The following CNTLN variants were observed in gnomAD, a reference collection of about 807,000 sequenced individuals.
CNTLN encodes centlein.
Under a neutral mutation model 180.0 loss-of-function variants are expected in CNTLN, and 212 were observed. The ratio of observed to expected loss-of-function variants is 1.18; its 90% CI spans 1.05 to 1.32. CNTLN has a LOEUF of 1.32. CNTLN is among the 40% of genes most tolerant of loss of function. The pLI, the probability that CNTLN is intolerant of heterozygous loss-of-function variation, is 0.00. For synonymous variants in CNTLN, 722 were observed against 563.1 expected, an observed-to-expected ratio of 1.28 and a Z score of -3.99; for missense variants, 2,095 against 1,610.9, an observed-to-expected ratio of 1.30 and a Z score of -5.14.
intron 12 of CNTLN, among the ~76,000 whole-genome samples, chr9:17,350,888 C>T (rs919135578): frequency 1.3e-5 from 2 of 152,000 alleles, no homozygotes; most frequent in Admixed American, 6.5e-5. Context: ...TACAGCTGAC[C>T]AACATATGTC....
At chr9:17,310,802 G>A (rs947746251) in intron 8 of CNTLN, among the ~76,000 whole-genome samples, 2 of 151,970 alleles carry the variant, frequency 1.3e-5, no homozygotes, top group African/African-American at 4.8e-5. Context: ...TGTTTTTTAT[G>A]TGCATATCAC....
At chr9:17,214,598 G>T (rs1310709139) in intron 2 of CNTLN, among the ~76,000 whole-genome samples, 2 of 152,076 alleles carry the variant, frequency 1.3e-5, no homozygotes, top group South Asian at 2.1e-4. Flanking sequence ...TTGAATGTTG[G>T]CCTGCCTCAC....
intron 5 of CNTLN, among the ~76,000 whole-genome samples, chr9:17,268,692 A>C (rs2132463744): frequency 6.6e-6 from 1 of 152,274 alleles, no homozygotes; most frequent in South Asian, 2.1e-4. Context: ...GGCTCCACCC[A>C]GTTCCAGCTT....
chr9:17,266,631 G>A (rs1424629738), intron 5 of CNTLN, among the ~76,000 whole-genome samples: 3 of 151,982 alleles, frequency 2.0e-5, no homozygotes, highest in African/African-American at 4.8e-5. Context: ...TAGTGTTGAC[G>A]GTGGGATGTT....
the CNTLN span, among the ~76,000 whole-genome samples, chr9:17,515,647 C>T: frequency 3.3e-5 from 5 of 152,130 alleles, no homozygotes; most frequent in African/African-American, 7.2e-5. Context: ...TTTACTCATA[C>T]TCCCTTCAAT....
intron 12 of CNTLN, among the ~76,000 whole-genome samples, chr9:17,353,598 G>A (rs116580348): frequency 2.5e-3 from 353 of 140,152 alleles, no homozygotes; most frequent in African/African-American, 8.6e-3. Context: ...TTTTGTTTTC[G>A]TTTTTTTTTT....
Position 17,381,171 on chromosome 9 carries a change from A to T in CNTLN, c.1988-6991A>T, listed in dbSNP as rs73641960. Among the ~76,000 whole-genome samples the T allele has an allele frequency of 4.6e-3, 701 of 152,340 alleles. 9 individuals are homozygous for T. The highest frequency in any genetic ancestry group is 0.016 in the African/African-American group (675 of 41,580). ...TTATTAGCAACAGGCATGACAGCCA[A>T]ATCCCGAGCCATGTTTTAATGTCAG... On this transcript the variant is annotated intron_variant, in intron 13 of 25. Coordinates refer to ENST00000380647, the MANE Select transcript of CNTLN (RefSeq NM_017738.4).
intron 25 of CNTLN, among the ~76,000 whole-genome samples, chr9:17,490,021 T>C (rs933957619): frequency 3.9e-5 from 6 of 152,128 alleles, no homozygotes; most frequent in Non-Finnish European, 7.4e-5. Context: ...AAGAAGCAAA[T>C]TGATAATTAA....
In CNTLN at chr9:17,387,962, A is replaced by G. The variant is rs867366329; in HGVS notation, c.1988-200A>G. ...ATCTTATACTGAAAAAAAAAAAAAA[A>G]GGTGGCACTACAAAGATACATAATT... On this transcript the variant is annotated intron_variant, in intron 13 of 25. Coordinates refer to ENST00000380647, the MANE Select transcript of CNTLN (RefSeq NM_017738.4). Among the ~76,000 whole-genome samples, 1,284 of 136,478 alleles carry G rather than the reference A, an allele frequency of 9.4e-3. 11 individuals carry two copies. The highest frequency in any genetic ancestry group is 0.031 in the African/African-American group (1,215 of 38,858). 89.5% of individuals were successfully genotyped at this position (136,478 alleles called of 152,430 possible).
chr9:17,307,009 G>A (rs1818762881), intron 7 of CNTLN, among the ~76,000 whole-genome samples: 1 of 152,090 alleles, frequency 6.6e-6, no homozygotes, highest in Admixed American at 6.6e-5. Context: ...GTACAAGTAG[G>A]CACGCTGAAC....
chr9:17,335,497 C>G (rs1249123841), intron 10 of CNTLN, among the ~76,000 whole-genome samples: 1 of 151,978 alleles, frequency 6.6e-6, no homozygotes, highest in Non-Finnish European at 1.5e-5. Context: ...AGCCTGGTGA[C>G]AGAGTGAGAC....
At chr9:17,265,435 C>G (rs531184261) in intron 5 of CNTLN, among the ~76,000 whole-genome samples, 1 of 152,064 alleles carries the variant, frequency 6.6e-6, no homozygotes, top group Non-Finnish European at 1.5e-5. Context: ...CTGCTGGATT[C>G]GGTTTGCCAG....
Position 17,502,584 on chromosome 9 carries a change from C to G in CNTLN, c.4153C>G (p.Leu1385Val), listed in dbSNP as rs376726277. The G allele has an allele frequency of 2.9e-6, 4 of 1,401,562 alleles. No homozygotes were observed. The highest frequency in any genetic ancestry group is 2.9e-6 in the Non-Finnish European group (3 of 1,025,820). 86.8% of individuals were successfully genotyped at this position (1,401,562 alleles called of 1,614,324 possible). The stretch of plus-strand genomic sequence containing the variant: ...TGCCTCATATTTACTAGAAGCAGTA[C>G]TGGAAAAAATAAATGAAAAAAAGAA... ...PFASYLLEAV[L>V]EKINEKKKLV... The change falls in exon 26 of 26, where the codon CTG (leucine) becomes GTG (valine). Residue 1385 changes from leucine to valine, a missense_variant. Coordinates refer to ENST00000380647, the MANE Select transcript of CNTLN (RefSeq NM_017738.4).
chr9:17,387,557 C>T (rs1451694578), intron 13 of CNTLN, among the ~76,000 whole-genome samples: 1 of 151,966 alleles, frequency 6.6e-6, no homozygotes, highest in Non-Finnish European at 1.5e-5. Flanking sequence ...AAATGTATAG[C>T]TAGTGTAGGA....
intron 12 of CNTLN, among the ~76,000 whole-genome samples, chr9:17,361,129 T>A (rs1054445134): frequency 2.6e-4 from 39 of 152,190 alleles, no homozygotes; most frequent in Non-Finnish European, 4.9e-4. Context: ...GTTACATATG[T>A]ATACATGTGC....
In CNTLN at chr9:17,341,550, C is replaced by T. The variant is rs561794569; in HGVS notation, c.1766+602C>T. Among the ~76,000 whole-genome samples the T allele has an allele frequency of 2.5e-3, 379 of 152,198 alleles. 1 individual carries two copies. Among genetic ancestry groups the T allele is most frequent in the African/African-American group, 8.6e-3 (359 of 41,536 alleles). On this transcript the variant is annotated intron_variant, in intron 11 of 25. Coordinates refer to ENST00000380647, the MANE Select transcript of CNTLN (RefSeq NM_017738.4). ...CCCTGTTAACTGTATCAACAGAGGG[C>T]AAAGGACTGAATGAGTACAGAAAAT...
intron 3 of CNTLN, among the ~76,000 whole-genome samples, chr9:17,234,089 A>G (rs915693258): frequency 2.0e-5 from 3 of 152,058 alleles, no homozygotes; most frequent in Admixed American, 6.6e-5. Context: ...TTATTTTTGT[A>G]TGTATTCAGC....
At chr9:17,325,098 T>A (rs973762393) in intron 8 of CNTLN, among the ~76,000 whole-genome samples, 4 of 151,146 alleles carry the variant, frequency 2.6e-5, no homozygotes, top group African/African-American at 9.7e-5. Context: ...AAATTTAAAC[T>A]AGTACCCTTA....
chr9:17,353,691 T>C (rs7854818), intron 12 of CNTLN, among the ~76,000 whole-genome samples: 90,504 of 151,354 alleles, frequency 0.6, 27,305 homozygotes, highest in East Asian at 0.73. Context: ...CCTCTGCCTC[T>C]TGGTTTCAAG....
Sources: allele counts gnomAD v4.1 joint callset (sites outside exome capture counted in the v4.1 genomes callset), GRCh38; gene constraint gnomAD v4.1.1; transcripts MANE v1.5; gene names NCBI Gene and HGNC (gene_info 2026-07-23, HGNC 2026-07-21).